The following RPL39L variants were observed in gnomAD, a reference collection of about 807,000 sequenced individuals.
RPL39L encodes ribosomal protein L39 like, also known as ribosomal protein eL39-like 2.
For synonymous variants in RPL39L, 16 were observed against 20.1 expected (o/e 0.80, Z 0.55); for missense variants, 48 against 58.9 (o/e 0.81, Z 0.61).
At chr3:187,137,009 G>A (rs984273447) in intron 1 of RPL39L, among the ~76,000 whole-genome samples, 2 of 151,394 alleles carry the variant, frequency 1.3e-5, no homozygotes, top group African/African-American at 2.4e-5. Context: ...AGATCAGCCC[G>A]AGTATGTTTC....
chr3:187,129,703 G>A (rs568205008), intron 1 of RPL39L, among the ~76,000 whole-genome samples: 1 of 152,182 alleles, frequency 6.6e-6, no homozygotes, highest in South Asian at 2.1e-4. Flanking sequence ...AAATTGTACT[G>A]GATTATGAAC....
At chr3:187,136,573 T>G (rs990774305) in intron 1 of RPL39L, among the ~76,000 whole-genome samples, 23 of 152,184 alleles carry the variant, frequency 1.5e-4, no homozygotes, top group Non-Finnish European at 1.5e-5. Context: ...GTAAGGTTGT[T>G]TGATATGGAT....
chr3:187,129,687 GT>G (rs556357365), intron 1 of RPL39L, among the ~76,000 whole-genome samples: 233 of 152,244 alleles, frequency 1.5e-3, no homozygotes, highest in Admixed American at 3.4e-3. Context: ...TTTCATTAAT[GT>G]CTACAAATTG....
chr3:187,122,479 C>A (rs1299955517), intron 2 of RPL39L, among the ~76,000 whole-genome samples: 1 of 152,050 alleles, frequency 6.6e-6, no homozygotes, highest in Non-Finnish European at 1.5e-5. Context: ...CAGTGTCTAA[C>A]CCAGTCTCTT....
chr3:187,124,886 G>A (rs1418728765), intron 2 of RPL39L, among the ~76,000 whole-genome samples: 1 of 152,088 alleles, frequency 6.6e-6, no homozygotes, highest in East Asian at 1.9e-4. Flanking sequence ...TTCTTATTAG[G>A]CTCAGAAACA....
At chr3:187,126,356 G>A (rs1272083630) in intron 2 of RPL39L, among the ~76,000 whole-genome samples, 1 of 151,812 alleles carries the variant, frequency 6.6e-6, no homozygotes, top group African/African-American at 2.4e-5. Flanking sequence ...TAGAGATGGG[G>A]TTTCACCATG....
At chr3:187,137,513 A>G (rs550584886) in intron 1 of RPL39L, among the ~76,000 whole-genome samples, 1 of 152,134 alleles carries the variant, frequency 6.6e-6, no homozygotes, top group East Asian at 1.9e-4. Context: ...CCGTCTTCAA[A>G]AAAGAAAAAG....
chr3:187,128,624 C>T (rs918806675), intron 1 of RPL39L, among the ~76,000 whole-genome samples: 3 of 152,146 alleles, frequency 2.0e-5, no homozygotes, highest in Non-Finnish European at 4.4e-5. Context: ...ATCCTCCTGC[C>T]TCAGTCTCCT....
chr3:187,132,326 T>A (rs568419965), intron 1 of RPL39L, among the ~76,000 whole-genome samples: 1 of 152,346 alleles, frequency 6.6e-6, no homozygotes, highest in South Asian at 2.1e-4. Context: ...AATACAGATT[T>A]TTTTTGAAAA....
Position 187,128,027 on chromosome 3 carries a change from A to G in RPL39L, c.-57T>C, listed in dbSNP as rs893519247. On this transcript the variant is annotated 5_prime_UTR_variant, in exon 2 of 3. Transcript: ENST00000296277. ...TTTCAAGTCTGAATTTCCTACTCCA[A>G]AGAGGCAAAGATGCTTGCTTCTCTC... 2 of 152,208 alleles carry G rather than the reference A, an allele frequency of 1.3e-5. No homozygotes were observed. Among genetic ancestry groups the G allele is most frequent in the African/African-American group, 4.8e-5 (2 of 41,458 alleles). The allele number at this position is 152,208 out of a possible 1,614,324, so 9.4% of individuals were successfully genotyped here.
Position 187,125,643 on chromosome 3 carries a change from G to A in RPL39L, c.-29+2356C>T, listed in dbSNP as rs559990507. Among the ~76,000 whole-genome samples the A allele has an allele frequency of 2.0e-5, 3 of 151,496 alleles. No homozygotes were observed. In the South Asian group the frequency reaches 6.3e-4, roughly 32 times the overall value. ...CCCATTCGACCACCTGCTGCCTGTT[G>A]ATCAACTCCTCTTCCTTGCCTCTCC... On this transcript the variant is annotated intron_variant, in intron 2 of 2. Coordinates refer to ENST00000296277, the MANE Select transcript of RPL39L (RefSeq NM_052969.3).
At chr3:187,128,878 C>T (rs988159973) in intron 1 of RPL39L, among the ~76,000 whole-genome samples, 2 of 152,178 alleles carry the variant, frequency 1.3e-5, no homozygotes, top group African/African-American at 2.4e-5. Flanking sequence ...CATCATGATA[C>T]GTCCAACGTC....
chr3:187,128,609 G>A (rs1292411873), intron 1 of RPL39L, among the ~76,000 whole-genome samples: 3 of 152,020 alleles, frequency 2.0e-5, no homozygotes, highest in Admixed American at 6.6e-5. Flanking sequence ...GCCTGGCCTC[G>A]AGTAATCCTC....
chr3:187,135,307 T>A (rs147201021), intron 1 of RPL39L, among the ~76,000 whole-genome samples: 3,712 of 152,222 alleles, frequency 0.024, 158 homozygotes, highest in African/African-American at 0.085. Context: ...CCAAATCTCA[T>A]CTTGAATTGT....
At position 187,121,303 on chromosome 3, in the gene RPL39L, C is replaced by A. The variant is rs765412887; in HGVS notation, c.-3G>T. ...GTGAAAGTCTTGTGAGAAGACATGG[C>A]GAGAAACAGAGTCAACCACACACCA... On this transcript the variant is annotated 5_prime_UTR_variant, in exon 3 of 3. Coordinates refer to ENST00000296277, the MANE Select transcript of RPL39L (RefSeq NM_052969.3). The A allele has an allele frequency of 5.0e-6, 8 of 1,613,464 alleles. No individual in the cohort carries two copies. In the Admixed American group the frequency reaches 8.3e-5, roughly 17 times the overall value.
At chr3:187,122,079 C>T (rs1330530871) in intron 2 of RPL39L, among the ~76,000 whole-genome samples, 5 of 152,186 alleles carry the variant, frequency 3.3e-5, no homozygotes, top group South Asian at 4.1e-4. Flanking sequence ...AACTATCTCA[C>T]GGTACTTTCA....
At chr3:187,134,645 C>T (rs988723332) in intron 1 of RPL39L, among the ~76,000 whole-genome samples, 3 of 152,182 alleles carry the variant, frequency 2.0e-5, no homozygotes, top group East Asian at 1.9e-4. Flanking sequence ...GGAAATGGAC[C>T]GATTCCTTAT....
chr3:187,138,681 A>G (rs1215162361), intron 1 of RPL39L, among the ~76,000 whole-genome samples: 1 of 152,166 alleles, frequency 6.6e-6, no homozygotes, highest in African/African-American at 2.4e-5. Context: ...GGCAGGGCGG[A>G]ACATGGATCC....
chr3:187,133,347 A>C (rs995962288), intron 1 of RPL39L, among the ~76,000 whole-genome samples: 3 of 151,892 alleles, frequency 2.0e-5, no homozygotes, highest in African/African-American at 7.3e-5. Context: ...TTCTCATGAG[A>C]TCTGATGGTT....
Sources: gnomAD v4.1 joint callset for allele counts (sites outside exome capture counted in the v4.1 genomes callset) on GRCh38, gnomAD v4.1.1 for gene constraint, MANE v1.5 for transcripts, NCBI Gene and HGNC (gene_info 2026-07-23, HGNC 2026-07-21) for gene names.